Variants in TRPM1 observed in about 807,000 individuals in gnomAD.
TRPM1 encodes the protein TRPM1-203 APA Isoform, Intron 10.
In TRPM1, 113 loss-of-function variants were observed where a neutral mutation model predicts 149.4. The observed-to-expected ratio is 0.76, with a 90% confidence interval of 0.65 to 0.88. The LOEUF (loss-of-function observed/expected upper bound fraction) is 0.88. Ranked by LOEUF, TRPM1 falls within the 40% of genes least tolerant of loss-of-function variation. The probability of loss-of-function intolerance (pLI) is 0.00; values close to 1 mark genes in which losing one functional copy is unlikely to be tolerated. For synonymous variants in TRPM1, 741 were observed against 759.5 expected (o/e 0.98, Z 0.40); for missense variants, 1,976 against 2,038.7 (o/e 0.97, Z 0.59).
chr15:31,031,250 A>G, intron 22 of TRPM1, 93 bp from the exon 23 acceptor site: 3 of 1,374,144 alleles, frequency 2.2e-6, no homozygotes, highest in Non-Finnish European at 3.1e-6. Flanking sequence ...TAAGCACTTC[A>G]CGAGTGCTTA....
chr15:31,077,559 A>G (rs2034737275), intron 2 of TRPM1, among the ~76,000 whole-genome samples: 1 of 152,058 alleles, frequency 6.6e-6, no homozygotes, highest in Non-Finnish European at 1.5e-5. Flanking sequence ...GTTGGCAGAG[A>G]GAGCTGGGGA....
intron 9 of TRPM1, 102 bp from the exon 10 acceptor site, chr15:31,061,616 A>T: frequency 1.1e-6 from 1 of 942,920 alleles, no homozygotes; most frequent in East Asian, 2.4e-5. Flanking sequence ...TAATAAAATG[A>T]TCCTGAGCAC....
chr15:31,061,057 C>T (rs189468829), intron 10 of TRPM1, among the ~76,000 whole-genome samples: 169 of 152,312 alleles, frequency 1.1e-3, no homozygotes, highest in African/African-American at 3.9e-3. Context: ...AGAGCAGACC[C>T]TCCCCGCCCG....
At chr15:31,066,855 G>A (rs965361692) in intron 6 of TRPM1, among the ~76,000 whole-genome samples, 1 of 152,100 alleles carries the variant, frequency 6.6e-6, no homozygotes, top group African/African-American at 2.4e-5. Flanking sequence ...TCGTGTTGAT[G>A]GAAACATTCT....
At chr15:31,041,280 G>A (rs559986036) in intron 17 of TRPM1, among the ~76,000 whole-genome samples, 3 of 151,696 alleles carry the variant, frequency 2.0e-5, no homozygotes, top group Non-Finnish European at 4.4e-5. Flanking sequence ...TCAGCCTCCC[G>A]AGTAGCTGGG....
At chr15:31,148,557 T>C (rs2036252803) in intron 1 of TRPM1, among the ~76,000 whole-genome samples, 1 of 152,048 alleles carries the variant, frequency 6.6e-6, no homozygotes, top group African/African-American at 2.4e-5. Flanking sequence ...CTTTGTTCCG[T>C]GAAAGGAGGA....
chr15:31,090,824 C>T (rs1053927918), intron 1 of TRPM1, among the ~76,000 whole-genome samples: 1 of 151,928 alleles, frequency 6.6e-6, no homozygotes, highest in African/African-American at 2.4e-5. Flanking sequence ...TTAGACGTAC[C>T]TGAGTCAGCT....
intron 4 of TRPM1, among the ~76,000 whole-genome samples, 196 bp from the exon 5 acceptor site, chr15:31,068,288 C>G (rs985724392): frequency 1.3e-5 from 2 of 152,122 alleles, no homozygotes; most frequent in Non-Finnish European, 1.5e-5. Flanking sequence ...TTAGCAAATA[C>G]AAATAAAAGA....
chr15:31,032,926 T>C lies in TRPM1; in HGVS notation c.2715A>G (p.Glu905=), dbSNP rs2140913063. 6.2e-7 allele frequency: 1 copy of C among 1,614,142 alleles called. No individual in the cohort carries two copies. Among genetic ancestry groups the C allele is most frequent in the Non-Finnish European group, 8.5e-7 (1 of 1,180,024 alleles). The change falls in exon 22 of 28, where the codon GAA becomes GAG. Residue 905 remains glutamate, a synonymous_variant. Transcript: ENST00000256552. The part of the protein sequence containing the change: ...LEKIREILMS[E]PGKLSQKIKV... ...TGATTTTCTGGCTGAGTTTGCCTGGTTCTGACATGAGGATCTGAAAACAAA... is the reference window on the plus strand; with the variant it reads ...TGATTTTCTGGCTGAGTTTGCCTGGCTCTGACATGAGGATCTGAAAACAAA...
intron 1 of TRPM1, among the ~76,000 whole-genome samples, chr15:31,145,738 A>G (rs545307636): frequency 6.6e-6 from 1 of 152,244 alleles, no homozygotes; most frequent in South Asian, 2.1e-4. Flanking sequence ...CGGCTGCAAA[A>G]AATCAATACA....
chr15:31,055,552 C>T (rs889507677), intron 11 of TRPM1, among the ~76,000 whole-genome samples: 2 of 152,164 alleles, frequency 1.3e-5, no homozygotes, highest in Non-Finnish European at 2.9e-5. Flanking sequence ...CACATCCCCT[C>T]CCGGTCTCCA....
intron 21 of TRPM1, among the ~76,000 whole-genome samples, chr15:31,033,201 C>A (rs2033177542): frequency 6.6e-6 from 1 of 152,190 alleles, no homozygotes; most frequent in Non-Finnish European, 1.5e-5. Context: ...GTAATTAAAG[C>A]AGCTGCATTT....
At chr15:31,148,693 C>T (rs1035675897) in intron 1 of TRPM1, among the ~76,000 whole-genome samples, 1 of 152,204 alleles carries the variant, frequency 6.6e-6, no homozygotes, top group African/African-American at 2.4e-5. Context: ...TAAGAACTCT[C>T]CTGGCCTTGG....
rs145383212 is a variant in TRPM1 at position 31,138,610 on chromosome 15, C to A, written c.54+22296G>T. ...TAGTGGCTCACACCTGTAATCCCAG[C>A]ACTTTGGGAGTCCGAGGCAGGAGGA... On this transcript the variant is annotated intron_variant, in intron 1 of 26. Coordinates refer to the TRPM1 transcript ENST00000542188. 7.6e-3 allele frequency among the ~76,000 whole-genome samples: 1,151 copies of A among 152,216 alleles called. 10 individuals are homozygous for A. Among genetic ancestry groups the A allele is most frequent in the African/African-American group, 0.027 (1,105 of 41,540 alleles).
intron 1 of TRPM1, among the ~76,000 whole-genome samples, chr15:31,108,252 G>A (rs985624652): frequency 6.6e-6 from 1 of 152,078 alleles, no homozygotes; most frequent in African/African-American, 2.4e-5. Flanking sequence ...ACTTATGAAG[G>A]CTTGTTTTAT....
Position 31,050,944 on chromosome 15 carries a change from T to A in TRPM1, c.1264-362A>T, listed in dbSNP as rs574853016. Among the ~76,000 whole-genome samples, 13 of 152,332 alleles carry A rather than the reference T, an allele frequency of 8.5e-5. No individual in the cohort carries two copies. In the South Asian group the frequency reaches 2.7e-3, roughly 32 times the overall value. On this transcript the variant is annotated intron_variant, in intron 11 of 27. Transcript: ENST00000256552. ...GTGTGCTTTTGCATGGAGGAAAGGATGCTGAAAGGAGAGTTCAAAGGCACC... is the reference window on the plus strand; with the variant it reads ...GTGTGCTTTTGCATGGAGGAAAGGAAGCTGAAAGGAGAGTTCAAAGGCACC...
intron 27 of TRPM1, 64 bp downstream of exon 27, chr15:31,026,075 G>C: frequency 6.3e-7 from 1 of 1,597,776 alleles, no homozygotes; most frequent in South Asian, 1.1e-5. Context: ...ATCCCCCATA[G>C]AGTGGGGCGC....
intron 23 of TRPM1, 105 bp from the exon 24 acceptor site, chr15:31,029,496 A>C: frequency 2.7e-6 from 3 of 1,096,632 alleles, no homozygotes; most frequent in Non-Finnish European, 4.1e-6. Context: ...CAAGTGGTTT[A>C]ACAACATAAC....
chr15:31,038,545 T>C (rs1303655422), intron 18 of TRPM1, among the ~76,000 whole-genome samples: 1 of 152,080 alleles, frequency 6.6e-6, no homozygotes, highest in Non-Finnish European at 1.5e-5. Flanking sequence ...AAACCCCATC[T>C]CTACTAAAAT....
Sources: allele counts gnomAD v4.1 joint callset (sites outside exome capture counted in the v4.1 genomes callset), GRCh38; gene constraint gnomAD v4.1.1; transcripts MANE v1.5; gene names NCBI Gene and HGNC (gene_info 2026-07-23, HGNC 2026-07-21).